Variants in PTRH1 observed in about 807,000 individuals in gnomAD.
PTRH1 encodes peptidyl-tRNA hydrolase 1 homolog.
In PTRH1, 13 loss-of-function variants were observed where a neutral mutation model predicts 15.7. The observed-to-expected ratio is 0.83, with a 90% confidence interval of 0.54 to 1.31. The LOEUF is 1.31. PTRH1 is among the 40% of genes most tolerant of loss of function. The probability of loss-of-function intolerance (pLI) is 0.00; values close to 1 mark genes in which losing one functional copy is unlikely to be tolerated. For missense variants in PTRH1, 319 were observed against 296.2 expected, an observed-to-expected ratio of 1.08 and a Z score of -0.56; for synonymous variants, 139 against 136.7, an observed-to-expected ratio of 1.02 and a Z score of -0.12.
intron 1 of PTRH1, among the ~76,000 whole-genome samples, chr9:127,697,826 G>A (rs900006229): frequency 2.6e-5 from 4 of 152,250 alleles, no homozygotes; most frequent in African/African-American, 9.6e-5. Context: ...CCTGGAGGGA[G>A]CGCTGCCTCT....
At chr9:127,702,676 C>T (rs960047914) in intron 1 of PTRH1, among the ~76,000 whole-genome samples, 1 of 152,054 alleles carries the variant, frequency 6.6e-6, no homozygotes, top group African/African-American at 2.4e-5. Context: ...GAGCCTGTGA[C>T]GTTGTGACAT....
intron 1 of PTRH1, among the ~76,000 whole-genome samples, chr9:127,707,976 T>C (rs1842684807): frequency 6.6e-6 from 1 of 152,050 alleles, no homozygotes; most frequent in Non-Finnish European, 1.5e-5. Flanking sequence ...GCAGTCTTAC[T>C]AGAGAGGTCC....
At position 127,706,866 on chromosome 9, in the gene PTRH1, T is replaced by A; in HGVS notation, c.205+8569A>T. On this transcript the variant is annotated intron_variant, in intron 1 of 2. Coordinates refer to the PTRH1 transcript ENST00000335223. Reference sequence around the variant, plus strand: ...ACTCCTGGGCCTGGGGCCTCACTGATGCCATCTGCCTTGGAGTGGGACCTG... The same window carrying A: ...ACTCCTGGGCCTGGGGCCTCACTGAAGCCATCTGCCTTGGAGTGGGACCTG... The A allele has an allele frequency of 5.4e-6, 4 of 744,466 alleles. No individual in the cohort carries two copies. The Admixed American group carries it at 1.0e-4, about 19-fold the overall frequency. The allele number at this position is 744,466 out of a possible 1,614,324, so 46.1% of individuals were successfully genotyped here. A position where few individuals can be genotyped will look rare whatever the true frequency, so the allele number is the denominator to read the frequency against.
chr9:127,714,820 C>A, intron 2 of PTRH1, 118 bp from the exon 3 acceptor site: 2 of 1,084,164 alleles, frequency 1.8e-6, no homozygotes, highest in Non-Finnish European at 2.7e-6. Flanking sequence ...AAACTGAGGC[C>A]CCCCGAAGTA....
downstream of PTRH1, chr9:127,710,870 C>A: frequency 8.3e-7 from 1 of 1,199,028 alleles, no homozygotes. Flanking sequence ...AACTGACCGC[C>A]GCCCCGACAA....
chr9:127,712,570 G>A, downstream of PTRH1: 1 of 1,551,798 alleles, frequency 6.4e-7, no homozygotes, highest in Non-Finnish European at 8.7e-7. Flanking sequence ...TTGGGCCTCA[G>A]TCTTCCCGAC....
intron 1 of PTRH1, chr9:127,706,911 A>G (rs1312676130): frequency 1.7e-6 from 2 of 1,196,198 alleles, no homozygotes; most frequent in Admixed American, 4.5e-5. Context: ...CCCAGCAAGA[A>G]GAGGGCAGGG....
At chr9:127,702,229 C>T (rs1324935136) in intron 1 of PTRH1, among the ~76,000 whole-genome samples, 2 of 151,788 alleles carry the variant, frequency 1.3e-5, no homozygotes, top group Admixed American at 1.3e-4. Context: ...AAAAATTAGG[C>T]AGGCATGGTG....
At chr9:127,704,287 T>C (rs1197475236) in intron 1 of PTRH1, among the ~76,000 whole-genome samples, 1 of 151,986 alleles carries the variant, frequency 6.6e-6, no homozygotes, top group Non-Finnish European at 1.5e-5. Flanking sequence ...GGCAGATCAC[T>C]TGAGATCAGG....
chr9:127,699,494 GA>G (rs1171586930), intron 1 of PTRH1, among the ~76,000 whole-genome samples: 14 of 152,238 alleles, frequency 9.2e-5, no homozygotes, highest in Non-Finnish European at 1.5e-4. Context: ...TCTGGCCCTG[GA>G]GGCGGGGGTT....
At chr9:127,712,732 T>C (rs522328), downstream of PTRH1, 933,493 of 1,613,876 alleles carry the variant, frequency 0.58, 275,288 homozygotes, top group African/African-American at 0.86. Flanking sequence ...AAGAGGACAG[T>C]GACGTTGACG....
intron 1 of PTRH1, among the ~76,000 whole-genome samples, chr9:127,702,166 G>T (rs1006773255): frequency 6.6e-6 from 1 of 152,130 alleles, no homozygotes; most frequent in Non-Finnish European, 1.5e-5. Context: ...GAGGTCAGGA[G>T]ATCAAGACCA....
chr9:127,703,731 C>T (rs1281207863), intron 1 of PTRH1, among the ~76,000 whole-genome samples: 1 of 152,178 alleles, frequency 6.6e-6, no homozygotes, highest in Non-Finnish European at 1.5e-5. Context: ...AAGTGGGTAC[C>T]AGGGGGTGGC....
chr9:127,714,228 G>C lies in PTRH1; in HGVS notation c.517C>G (p.Gln173Glu), dbSNP rs568809556. ...IGRPAHPEAV[Q>E]AHVLGCFSPA... ...GAGAAGCAGCCCAGCACATGGGCCTGAACCGCCTCAGGGTGCGCCGGGCGC... is the reference window on the plus strand; with the variant it reads ...GAGAAGCAGCCCAGCACATGGGCCTCAACCGCCTCAGGGTGCGCCGGGCGC... The change falls in exon 5 of 5, where the codon CAG becomes GAG. Residue 173 changes from glutamine (Q) to glutamate (E), a missense_variant. Coordinates refer to ENST00000543175, the MANE Select transcript of PTRH1 (RefSeq NM_001002913.3). 8 of 1,613,968 alleles carry C rather than the reference G, an allele frequency of 5.0e-6. No individual in the cohort carries two copies. The East Asian group carries it at 1.3e-4, about 27-fold the overall frequency.
intron 1 of PTRH1, among the ~76,000 whole-genome samples, chr9:127,701,358 C>T (rs976740378): frequency 7.2e-5 from 11 of 152,144 alleles, no homozygotes; most frequent in African/African-American, 1.9e-4. Context: ...TGATGTCTTT[C>T]CCAACACACA....
At chr9:127,706,447 A>G (rs961747581) in intron 1 of PTRH1, among the ~76,000 whole-genome samples, 3 of 152,144 alleles carry the variant, frequency 2.0e-5, no homozygotes, top group Admixed American at 6.5e-5. Context: ...GATGACAGGG[A>G]TGGAAAGGAC....
At chr9:127,710,081 T>C (rs1842728554), downstream of PTRH1, among the ~76,000 whole-genome samples, 1 of 152,126 alleles carries the variant, frequency 6.6e-6, no homozygotes, top group African/African-American at 2.4e-5. Flanking sequence ...GAGACAAGCC[T>C]AGGCAACATA....
chr9:127,714,823 C>T, intron 2 of PTRH1, 121 bp from the exon 3 acceptor site: 1 of 1,066,844 alleles, frequency 9.4e-7, no homozygotes, highest in Non-Finnish European at 1.4e-6. Context: ...CTGAGGCCCC[C>T]CGAAGTACCC....
chr9:127,699,521 T>C (rs746593376), intron 1 of PTRH1, among the ~76,000 whole-genome samples: 2 of 152,054 alleles, frequency 1.3e-5, no homozygotes, highest in Non-Finnish European at 2.9e-5. Flanking sequence ...AGTAAGACGG[T>C]TGCTGATTGG....
Sources: allele counts gnomAD v4.1 joint callset (sites outside exome capture counted in the v4.1 genomes callset), GRCh38; gene constraint gnomAD v4.1.1; transcripts MANE v1.5; gene names NCBI Gene and HGNC (gene_info 2026-07-23, HGNC 2026-07-21).